Variants in MAGI2 observed in about 807,000 individuals in gnomAD.
The protein encoded by MAGI2 is membrane-associated guanylate kinase, WW and PDZ domain-containing protein 2.
In MAGI2, 35 loss-of-function variants were observed where a neutral mutation model predicts 133.3. The ratio of observed to expected loss-of-function variants is 0.26; its 90% confidence interval spans 0.20 to 0.35. MAGI2 has a LOEUF of 0.35. Ranked by LOEUF, MAGI2 falls within the 10% of genes least tolerant of loss-of-function variation. The pLI is 1.00. For synonymous variants in MAGI2, 729 were observed against 710.6 expected (o/e 1.03, Z -0.41); for missense variants, 1,636 against 1,863.4 (o/e 0.88, Z 2.25).
intron 9 of MAGI2, among the ~76,000 whole-genome samples, chr7:78,274,617 T>C (rs1794886054): frequency 6.6e-6 from 1 of 152,030 alleles, no homozygotes; most frequent in Non-Finnish European, 1.5e-5. Context: ...TGCTGCCTTT[T>C]TTTTTTAGAG....
At chr7:78,471,516 A>T (rs1395084923) in intron 6 of MAGI2, among the ~76,000 whole-genome samples, 3 of 152,070 alleles carry the variant, frequency 2.0e-5, no homozygotes, top group Non-Finnish European at 2.9e-5. Flanking sequence ...GTATTGAATC[A>T]CCTCTGGGGA....
At chr7:78,295,577 TCTC>T (rs1174556461) in intron 9 of MAGI2, among the ~76,000 whole-genome samples, 2 of 152,158 alleles carry the variant, frequency 1.3e-5, no homozygotes, top group African/African-American at 4.8e-5. Context: ...AATACAGAAT[TCTC>T]CTAGTTCCTA....
intron 2 of MAGI2, among the ~76,000 whole-genome samples, chr7:78,886,865 T>A (rs879642653): frequency 3.3e-5 from 5 of 152,102 alleles, no homozygotes; most frequent in Non-Finnish European, 7.4e-5. Context: ...TCATCTTGAA[T>A]AAGATGAGGG....
chr7:78,525,479 G>A (rs376414488), intron 3 of MAGI2, among the ~76,000 whole-genome samples: 5 of 152,074 alleles, frequency 3.3e-5, no homozygotes, highest in East Asian at 3.9e-4. Flanking sequence ...TTTAGGTAAC[G>A]TACCAGTATG....
intron 3 of MAGI2, among the ~76,000 whole-genome samples, chr7:78,606,108 T>C (rs1805784339): frequency 6.6e-6 from 1 of 152,206 alleles, no homozygotes; most frequent in Non-Finnish European, 1.5e-5. Context: ...CCCAGGTTCC[T>C]GGCTTGGGCA....
chr7:78,609,897 C>A (rs1806254301), intron 3 of MAGI2, among the ~76,000 whole-genome samples: 1 of 152,078 alleles, frequency 6.6e-6, no homozygotes, highest in Admixed American at 6.6e-5. Context: ...TTAGGAGGAG[C>A]CCAAAGTTTC....
chr7:78,456,189 G>T (rs935766960), intron 6 of MAGI2, among the ~76,000 whole-genome samples: 4 of 151,838 alleles, frequency 2.6e-5, no homozygotes, highest in African/African-American at 9.7e-5. Context: ...GAGTAGTGGT[G>T]AATTTCTTCC....
At chr7:78,809,159 T>C (rs1464762701) in intron 2 of MAGI2, among the ~76,000 whole-genome samples, 1 of 152,224 alleles carries the variant, frequency 6.6e-6, no homozygotes, top group Admixed American at 6.5e-5. Context: ...ACACTGGATC[T>C]GGTCACATCA....
chr7:79,217,920 AAAATGACAGC>A (rs2129553245), intron 1 of MAGI2, among the ~76,000 whole-genome samples: 1 of 152,150 alleles, frequency 6.6e-6, no homozygotes, highest in Non-Finnish European at 1.5e-5. Flanking sequence ...TTCTTCTGTG[AAAATGACAGC>A]AAATGATGGC....
At chr7:79,196,422 T>C (rs1828087269) in intron 1 of MAGI2, among the ~76,000 whole-genome samples, 1 of 152,042 alleles carries the variant, frequency 6.6e-6, no homozygotes, top group Non-Finnish European at 1.5e-5. Context: ...AGTATTCACC[T>C]GCTATATTTC....
At chr7:79,348,510 G>A (rs1841474344) in intron 1 of MAGI2, among the ~76,000 whole-genome samples, 1 of 151,854 alleles carries the variant, frequency 6.6e-6, no homozygotes, top group Admixed American at 6.6e-5. Flanking sequence ...TGACCTTGAT[G>A]GTCAAATCTG....
chr7:79,085,790 T>C (rs1382380428), intron 1 of MAGI2, among the ~76,000 whole-genome samples: 1 of 151,862 alleles, frequency 6.6e-6, no homozygotes, highest in Non-Finnish European at 1.5e-5. Context: ...GGCCAATGCT[T>C]GGACACAGAT....
Position 79,201,067 on chromosome 7 carries a change from G to A in MAGI2, c.302-193861C>T, listed in dbSNP as rs140951604. On this transcript the variant is annotated intron_variant, in intron 1 of 21. Transcript: ENST00000354212. ...GTGCAATCAACGTACTCCAAGAGATGGCATATCCTAAGCAGAAATTGGCTC... is the reference window on the plus strand; with the variant it reads ...GTGCAATCAACGTACTCCAAGAGATAGCATATCCTAAGCAGAAATTGGCTC... Among the ~76,000 whole-genome samples the A allele has an allele frequency of 3.6e-4, 55 of 152,068 alleles. 1 individual carries two copies. In the East Asian group the frequency reaches 0.01, roughly 29 times the overall value.
Position 78,572,855 on chromosome 7 carries a change from T to A in MAGI2, c.539-51210A>T, listed in dbSNP as rs1311058257. Among the ~76,000 whole-genome samples the A allele has an allele frequency of 2.7e-5, 4 of 150,522 alleles. No homozygotes were observed. The South Asian group carries it at 8.4e-4, about 31-fold the overall frequency. ...TTTTGTATTTTTAATAGATACAAGG[T>A]TTCCCCATGTTGGTCAGGCTGGTCT... On this transcript the variant is annotated intron_variant, in intron 3 of 21. Coordinates refer to ENST00000354212, the MANE Select transcript of MAGI2 (RefSeq NM_012301.4).
chr7:78,461,382 A>ACGTGTGTG (rs1789973640), intron 6 of MAGI2, among the ~76,000 whole-genome samples: 3 of 103,784 alleles, frequency 2.9e-5, no homozygotes, highest in Middle Eastern at 8.3e-3. Context: ...ATTCCTGGAC[A>ACGTGTGTG]CGTGTGTGTG....
At chr7:79,313,801 AC>A (rs1838483072) in intron 1 of MAGI2, among the ~76,000 whole-genome samples, 1 of 113,864 alleles carries the variant, frequency 8.8e-6, no homozygotes, top group African/African-American at 3.0e-5. Flanking sequence ...TATTTAATTT[AC>A]TTTTTTTTTT....
At chr7:78,580,010 T>G (rs1192816670) in intron 3 of MAGI2, among the ~76,000 whole-genome samples, 1 of 152,222 alleles carries the variant, frequency 6.6e-6, no homozygotes, top group Non-Finnish European at 1.5e-5. Context: ...CTGATGGAAC[T>G]GCCAGAGATA....
chr7:78,596,217 G>T (rs1804597332), intron 3 of MAGI2, among the ~76,000 whole-genome samples: 1 of 142,868 alleles, frequency 7.0e-6, no homozygotes, highest in African/African-American at 2.6e-5. Flanking sequence ...TGAAGGAAGG[G>T]AGGGAGGGAG....
chr7:78,212,141 T>C (rs1341405707), intron 10 of MAGI2, among the ~76,000 whole-genome samples: 1 of 152,234 alleles, frequency 6.6e-6, no homozygotes, highest in Non-Finnish European at 1.5e-5. Context: ...CCAGTACTTC[T>C]CTATTTGAGG....
Sources: gnomAD v4.1 joint callset for allele counts (sites outside exome capture counted in the v4.1 genomes callset) on GRCh38, gnomAD v4.1.1 for gene constraint, MANE v1.5 for transcripts, NCBI Gene and HGNC (gene_info 2026-07-23, HGNC 2026-07-21) for gene names.